Variants in ATXN1L observed in about 807,000 individuals in gnomAD.
ATXN1L encodes ataxin-1-like.
Under a neutral mutation model 43.4 loss-of-function variants are expected in ATXN1L, and 8 were observed. The ratio of observed to expected loss-of-function variants is 0.18; its 90% CI spans 0.11 to 0.33. The LOEUF is 0.33. ATXN1L is among the 10% of genes least tolerant of loss of function. ATXN1L has a pLI of 1.00. For missense variants in ATXN1L, 856 were observed against 885.4 expected, an observed-to-expected ratio of 0.97 and a Z score of 0.42; for synonymous variants, 379 against 360.6, an observed-to-expected ratio of 1.05 and a Z score of -0.58.
Position 71,852,480 on chromosome 16 carries a change from G to A in ATXN1L, c.*670G>A, listed in dbSNP as rs2033514574. The A allele has an allele frequency of 6.0e-6, 1 of 167,180 alleles. No individual in the cohort carries two copies. Among genetic ancestry groups the A allele is most frequent in the Admixed American group, 6.5e-5 (1 of 15,284 alleles). 10.4% of individuals were successfully genotyped at this position (167,180 alleles called of 1,614,324 possible). A position where few individuals can be genotyped will look rare whatever the true frequency, so the allele number is the denominator to read the frequency against. On this transcript the variant is annotated 3_prime_UTR_variant, in exon 3 of 3. Transcript: ENST00000427980. ...AGGCTTCTAGCAGCACGGGGGCCCG[G>A]AGGGAGAGCCCCTTCAGGGTTCAGA...
chr16:71,851,612 G>A lies in ATXN1L; in HGVS notation c.1872G>A (p.Lys624=). Residue 624 remains lysine, a synonymous_variant, in exon 3 of 3, where the codon AAG becomes AAA. Transcript: ENST00000427980. The surrounding 1 kb of genome is among the most constrained non-coding windows in gnomAD (Gnocchi z 4.9). The part of the protein sequence containing the change: ...GSRELCDSEG[K]SQPAGEGSRV... ...GAGAGCTATGTGACAGTGAGGGGAAGAGCCAGCCGGCAGGAGAGGGCTCCC... is the reference window on the plus strand; with the variant it reads ...GAGAGCTATGTGACAGTGAGGGGAAAAGCCAGCCGGCAGGAGAGGGCTCCC... The A allele has an allele frequency of 6.5e-7, 1 of 1,541,454 alleles. No individual in the cohort carries two copies. The highest frequency in any genetic ancestry group is 8.8e-7 in the Non-Finnish European group (1 of 1,139,168).
chr16:71,848,420 G>A, intron 2 of ATXN1L: 1 of 160,344 alleles, frequency 6.2e-6, no homozygotes, highest in Non-Finnish European at 1.4e-5. Context: ...AGGAGCTATT[G>A]GTAAAAGAAA....
Position 71,851,736 on chromosome 16 carries a change from G to T in ATXN1L, c.1996G>T (p.Ala666Ser). 6.2e-6 allele frequency: 9 copies of T among 1,458,728 alleles called. No individual in the cohort carries two copies. The highest frequency in any genetic ancestry group is 8.2e-6 in the Non-Finnish European group (9 of 1,101,610). The allele number at this position is 1,458,728 out of a possible 1,614,324, so 90.4% of individuals were successfully genotyped here. A position where few individuals can be genotyped will look rare whatever the true frequency, so the allele number is the denominator to read the frequency against. Residue 666 changes from alanine (A) to serine (S), a missense_variant, in exon 3 of 3, where the codon GCG becomes TCG. Physicochemically the swap from Ala to Ser is moderately conservative, Grantham distance 99. This residue lies in a region of ATXN1L where 185 missense variants were observed against 176.8 expected (regional missense o/e 1.05). Coordinates refer to ENST00000427980, the MANE Select transcript of ATXN1L (RefSeq NM_001137675.4). The surrounding 1 kb of genome is among the most constrained non-coding windows in gnomAD (Gnocchi z 4.9). The stretch of plus-strand genomic sequence containing the variant: ...CATGCAAGGGGAGGAGGCACGGGCT[G>T]CGCTGCTCCGTCCCTCTTTCATTCC... The part of the protein sequence containing the change: ...YSMQGEEARA[A>S]LLRPSFIPQE...
At position 71,851,567 on chromosome 16, in the gene ATXN1L, G is replaced by A. The variant is rs951133490; in HGVS notation, c.1827G>A (p.Glu609=). Residue 609 remains glutamate (E), a synonymous_variant, in exon 3 of 3, where the codon GAG becomes GAA. Transcript: ENST00000427980. This position sits in a 1 kb window ranked among gnomAD's most constrained non-coding sequence, Gnocchi z 4.9. ...SQLGPPRERP[E]RTVLGSRELC... is the part of the protein sequence containing the mutation. Reference sequence around the variant, plus strand: ...TGGGTCCCCCCCGAGAAAGGCCTGAGAGGACGGTCTTGGGATCCAGAGAGC... The same window carrying A: ...TGGGTCCCCCCCGAGAAAGGCCTGAAAGGACGGTCTTGGGATCCAGAGAGC... The A allele has an allele frequency of 1.3e-6, 2 of 1,551,436 alleles. No homozygotes were observed. The highest frequency in any genetic ancestry group is 8.7e-7 in the Non-Finnish European group (1 of 1,146,930).
At position 71,850,286 on chromosome 16, in the gene ATXN1L, T is replaced by C; in HGVS notation, c.546T>C (p.Ala182=). ...PHFVPYASLL[A]EGATPPPQAP... is the part of the protein sequence containing the mutation. Reference sequence around the variant, plus strand: ...TTGTGCCATATGCCTCACTTCTGGCTGAAGGAGCCACTCCTCCCCCACAGG... The same window carrying C: ...TTGTGCCATATGCCTCACTTCTGGCCGAAGGAGCCACTCCTCCCCCACAGG... The change falls in exon 3 of 3, where the codon GCT becomes GCC. Residue 182 remains alanine, a synonymous_variant. Coordinates refer to ENST00000427980, the MANE Select transcript of ATXN1L (RefSeq NM_001137675.4). The C allele has an allele frequency of 6.4e-7, 1 of 1,551,638 alleles. No homozygotes were observed. Among genetic ancestry groups the C allele is most frequent in the Non-Finnish European group, 8.7e-7 (1 of 1,146,964 alleles).
rs1376626927 is a variant in ATXN1L, at chr16:71,849,814, A to C, written c.74A>C (p.Asp25Ala). The C allele has an allele frequency of 9.0e-6, 14 of 1,550,730 alleles. No individual in the cohort carries two copies. Among genetic ancestry groups the C allele is most frequent in the Non-Finnish European group, 1.1e-5 (13 of 1,146,476 alleles). ...CGAGACCTCCCCGTGACCAGCGAGG[A>C]TATGGGGAGAACTACCAGCTGCTCC... ...KKRDLPVTSE[D>A]MGRTTSCSTN... The change falls in exon 3 of 3, where the codon GAT becomes GCT. Residue 25 changes from aspartate to alanine, a missense_variant. Physicochemically the swap from Asp to Ala is moderately radical, Grantham distance 126 (BLOSUM62 -2). Transcript: ENST00000427980.
rs2033502368 is a variant in ATXN1L, at chr16:71,851,523, T to G, written c.1783T>G (p.Cys595Gly). Residue 595 changes from cysteine (C) to glycine (G), a missense_variant, in exon 3 of 3, where the codon TGT becomes GGT. Physicochemically the swap from Cys to Gly is radical, Grantham distance 159. Coordinates refer to ENST00000427980, the MANE Select transcript of ATXN1L (RefSeq NM_001137675.4). The surrounding 1 kb of genome is among the most constrained non-coding windows in gnomAD (Gnocchi z 4.9). ...LNSNSVSQAS[C>G]APPSQLGPPR... ...CAGTAACTCAGTTTCTCAGGCCAGC[T>G]GTGCTCCCCCAAGCCAGCTGGGTCC... 6.4e-7 allele frequency: 1 copy of G among 1,551,512 alleles called. No individual in the cohort carries two copies. The highest frequency in any genetic ancestry group is 8.7e-7 in the Non-Finnish European group (1 of 1,146,932).
chr16:71,847,989 A>G (rs1385843416), intron 1 of ATXN1L, 21 bp from the exon 2 acceptor site: 1 of 455,748 alleles, frequency 2.2e-6, no homozygotes, highest in South Asian at 1.6e-5. Context: ...CGCTTACTCC[A>G]TTCCTGTTTC....
chr16:71,851,824 A>T lies in ATXN1L; in HGVS notation c.*14A>T, dbSNP rs1476921312. ...GCGGGAAAATGAACCTCTTCCCCAG[A>T]CCAGGACTGGGGCTTTACCCCAGAG... On this transcript the variant is annotated 3_prime_UTR_variant, in exon 3 of 3. Transcript: ENST00000427980. This position sits in a 1 kb window ranked among gnomAD's most constrained non-coding sequence, Gnocchi z 4.9. The T allele has an allele frequency of 2.8e-6, 4 of 1,423,686 alleles. No homozygotes were observed. The East Asian group carries it at 1.0e-4, about 36-fold the overall frequency. The allele number at this position is 1,423,686 out of a possible 1,614,324, so 88.2% of individuals were successfully genotyped here.
intron 1 of ATXN1L, 47 bp from the exon 2 acceptor site, chr16:71,847,963 T>A: frequency 2.2e-6 from 1 of 452,850 alleles, no homozygotes; most frequent in South Asian, 1.6e-5. Context: ...CTGGGGAGAA[T>A]TAGAGGTCAG....
rs373428895 is a variant in ATXN1L at position 71,849,267 on chromosome 16, A to G, written c.-117-357A>G. Among the ~76,000 whole-genome samples, 8 of 151,052 alleles carry G rather than the reference A, an allele frequency of 5.3e-5. No homozygotes were observed. The East Asian group carries it at 1.4e-3, about 26-fold the overall frequency. ...AGCAAAAGAGCCAGCAGGAAAGACC[A>G]TGTGTTCAAAGCCCCCTTTGGGAAG... On this transcript the variant is annotated intron_variant, in intron 2 of 2. Coordinates refer to ENST00000427980, the MANE Select transcript of ATXN1L (RefSeq NM_001137675.4).
intron 1 of ATXN1L, among the ~76,000 whole-genome samples, chr16:71,846,518 A>G (rs2033445209): frequency 6.6e-6 from 1 of 152,188 alleles, no homozygotes; most frequent in South Asian, 2.1e-4. Context: ...AGTCTCTGAC[A>G]AGCTTCTCCC....
rs957188036 is a variant in ATXN1L at position 71,855,730 on chromosome 16, T to C, written c.*3920T>C. 13 of 167,108 alleles carry C rather than the reference T, an allele frequency of 7.8e-5. No individual in the cohort carries two copies. The highest frequency in any genetic ancestry group is 4.6e-4 in the Admixed American group (7 of 15,284). 10.4% of individuals were successfully genotyped at this position (167,108 alleles called of 1,614,324 possible). On this transcript the variant is annotated 3_prime_UTR_variant, in exon 3 of 3. Coordinates refer to ENST00000427980, the MANE Select transcript of ATXN1L (RefSeq NM_001137675.4). ...CATGGGAAGTTAGGTCACAGTCTTA[T>C]AAACAAAGTAAATAGGACAGAGACT...
At position 71,851,096 on chromosome 16, in the gene ATXN1L, C is replaced by T. The variant is rs941346391; in HGVS notation, c.1356C>T (p.Asp452=). Residue 452 remains aspartate, a synonymous_variant, in exon 3 of 3, where the codon GAC becomes GAT. Coordinates refer to ENST00000427980, the MANE Select transcript of ATXN1L (RefSeq NM_001137675.4). This position sits in a 1 kb window ranked among gnomAD's most constrained non-coding sequence, Gnocchi z 4.9. ...TGCAGGCCAGAGCCACCTTCCCAGA[C>T]AAGGAGCCAACGCCGCCCCCCATTA... ...LDVQARATFP[D]KEPTPPPITS... is the part of the protein sequence containing the mutation. 7.1e-6 allele frequency: 11 copies of T among 1,551,490 alleles called. No individual in the cohort carries two copies. The African/African-American group carries it at 1.4e-4, about 19-fold the overall frequency.
At chr16:71,847,267 C>T (rs1379000702) in intron 1 of ATXN1L, among the ~76,000 whole-genome samples, 3 of 152,160 alleles carry the variant, frequency 2.0e-5, no homozygotes, top group East Asian at 3.9e-4. Context: ...TCTCGCTTTG[C>T]GTTTCTGGCA....
rs2033502003 is a variant in ATXN1L at position 71,851,499 on chromosome 16, A to G, written c.1759A>G (p.Ser587Gly). The change falls in exon 3 of 3, where the codon AGT (serine) becomes GGT (glycine). Residue 587 changes from serine to glycine, a missense_variant. Physicochemically the swap from Ser to Gly is moderately conservative, Grantham distance 56 (BLOSUM62 0). Around this residue, in one of 7 missense-constraint regions of ATXN1L, gnomAD observed 185 missense variants for 176.8 expected, o/e 1.05. Coordinates refer to ENST00000427980, the MANE Select transcript of ATXN1L (RefSeq NM_001137675.4). The surrounding 1 kb of genome is among the most constrained non-coding windows in gnomAD (Gnocchi z 4.9). ...CTCTATCAGTTTACAGAGCTTGAAC[A>G]GTAACTCAGTTTCTCAGGCCAGCTG... ...CISISLQSLNSNSVSQASCAP... is the reference protein window; with the variant it reads ...CISISLQSLNGNSVSQASCAP... 1.2e-5 allele frequency: 18 copies of G among 1,551,476 alleles called. No homozygotes were observed. The highest frequency in any genetic ancestry group is 1.4e-5 in the Non-Finnish European group (16 of 1,146,970).
chr16:71,850,702 A>G lies in ATXN1L; in HGVS notation c.962A>G (p.Glu321Gly), dbSNP rs778020746. 2 of 1,551,690 alleles carry G rather than the reference A, an allele frequency of 1.3e-6. No individual in the cohort carries two copies. The highest frequency in any genetic ancestry group is 1.2e-5 in the South Asian group (1 of 84,068). ...TCAGGTTCTCAGACTCCACGGGTAG[A>G]GGTAGCAGCACCAGCACACCGGGGG... ...LFSGSQTPRV[E>G]VAAPAHRGTP... The change falls in exon 3 of 3, where the codon GAG (glutamate) becomes GGG (glycine). Residue 321 changes from glutamate to glycine, a missense_variant. Transcript: ENST00000427980.
Position 71,850,076 on chromosome 16 carries a change from A to C in ATXN1L, c.336A>C (p.Val112=). The change falls in exon 3 of 3, where the codon GTA becomes GTC. Residue 112 remains valine, a synonymous_variant. Transcript: ENST00000427980. ...GTCCCTTGCCCCCAACGTTTAATGT[A>C]GCGTCTTCACTAATTCAACATCCAG... ...NMSPLPPTFN[V]ASSLIQHPGI... is the part of the protein sequence containing the mutation. The C allele has an allele frequency of 6.4e-7, 1 of 1,551,682 alleles. No homozygotes were observed. The highest frequency in any genetic ancestry group is 8.7e-7 in the Non-Finnish European group (1 of 1,146,980).
Position 71,848,016 on chromosome 16 carries a change from G to A in ATXN1L, c.-173G>A, listed in dbSNP as rs559873688. The A allele has an allele frequency of 1.5e-5, 7 of 455,964 alleles. No individual in the cohort carries two copies. The highest frequency in any genetic ancestry group is 1.4e-4 in the East Asian group (2 of 14,392). 28.2% of individuals were successfully genotyped at this position (455,964 alleles called of 1,614,324 possible). ...TCCTGTTTCTATCTTCTAGGCTCCCGAGCCAGCCGGGAGGACACTTACTAC... is the reference window on the plus strand; with the variant it reads ...TCCTGTTTCTATCTTCTAGGCTCCCAAGCCAGCCGGGAGGACACTTACTAC... On this transcript the variant is annotated 5_prime_UTR_variant, in exon 2 of 3. Coordinates refer to ENST00000427980, the MANE Select transcript of ATXN1L (RefSeq NM_001137675.4).
Sources: allele counts gnomAD v4.1 joint callset (sites outside exome capture counted in the v4.1 genomes callset), GRCh38; gene constraint gnomAD v4.1.1; regional missense constraint gnomAD v4.1.1; non-coding constraint Gnocchi (gnomAD v3.1); transcripts MANE v1.5; gene names NCBI Gene and HGNC (gene_info 2026-07-23, HGNC 2026-07-21).